The following ARHGEF10 variants were observed in gnomAD, a reference collection of about 807,000 sequenced individuals.
The protein encoded by ARHGEF10 is Rho guanine nucleotide exchange factor (GEF) 10.
In ARHGEF10, 140 loss-of-function variants were observed where a neutral mutation model predicts 147.4. The observed-to-expected ratio is 0.95, with a 90% confidence interval of 0.83 to 1.09. The LOEUF is 1.09. Ranked by LOEUF, ARHGEF10 falls within the 50% of genes least tolerant of loss-of-function variation. The pLI is 0.00. For synonymous variants in ARHGEF10, 902 were observed against 695.8 expected, an observed-to-expected ratio of 1.30 and a Z score of -4.67; for missense variants, 2,222 against 1,752.7, an observed-to-expected ratio of 1.27 and a Z score of -4.78.
chr8:1,938,960 G>T (rs1470058257), intron 26 of ARHGEF10, among the ~76,000 whole-genome samples: 1 of 121,506 alleles, frequency 8.2e-6, no homozygotes, highest in Non-Finnish European at 1.6e-5. Flanking sequence ...AGAAACCCCC[G>T]AACACTGGAA....
intron 1 of ARHGEF10, among the ~76,000 whole-genome samples, chr8:1,839,174 G>A (rs1803778910): frequency 7.1e-6 from 1 of 141,802 alleles, no homozygotes; most frequent in South Asian, 2.3e-4. Flanking sequence ...GGGACAGTCT[G>A]GTGTGGGGAC....
intron 14 of ARHGEF10, among the ~76,000 whole-genome samples, chr8:1,898,040 A>T (rs1181600541): frequency 6.6e-6 from 1 of 152,084 alleles, no homozygotes; most frequent in East Asian, 1.9e-4. Context: ...CACATCCCTG[A>T]TGTGCTCAGG....
At position 1,896,591 on chromosome 8, in the gene ARHGEF10, A is replaced by C. The variant is rs1245082961; in HGVS notation, c.1557+142A>C. 19 of 725,882 alleles carry C rather than the reference A, an allele frequency of 2.6e-5. No homozygotes were observed. In the East Asian group the frequency reaches 4.7e-4, roughly 18 times the overall value. The allele number at this position is 725,882 out of a possible 1,614,324, so 45.0% of individuals were successfully genotyped here. A position where few individuals can be genotyped will look rare whatever the true frequency, so the allele number is the denominator to read the frequency against. ...AGATATTGGATTAATGCTAGAAATG[A>C]AGATGAATTTTAGGTCCTAATGTAG... On this transcript the variant is annotated intron_variant, in intron 14 of 28. Coordinates refer to ENST00000349830, the MANE Select transcript of ARHGEF10 (RefSeq NM_014629.4).
In ARHGEF10 at chr8:1,881,748, G is replaced by T. The variant is rs750691549; in HGVS notation, c.961-887G>T. Among the ~76,000 whole-genome samples the T allele has an allele frequency of 7.9e-5, 12 of 152,348 alleles. No individual in the cohort carries two copies. The South Asian group carries it at 1.0e-3, about 13-fold the overall frequency. ...CTACAGCGACGCTGTCTGCACGCTG[G>T]TGCCCAGCAGCCCTGCTCCTCACGC... is the stretch of plus-strand genomic sequence containing the variant. On this transcript the variant is annotated intron_variant, in intron 9 of 28. Transcript: ENST00000349830.
At position 1,835,580 on chromosome 8, in the gene ARHGEF10, A is replaced by T. The variant is rs79309910; in HGVS notation, c.-47-7773A>T. 3.3e-5 allele frequency among the ~76,000 whole-genome samples: 5 copies of T among 152,304 alleles called. No individual in the cohort carries two copies. The East Asian group carries it at 9.7e-4, about 29-fold the overall frequency. ...GCCGTCCCGAAGCACTGACTGTGGA[A>T]TGGTGCCTGTGGAACGTCCCTGGGT... On this transcript the variant is annotated intron_variant, in intron 1 of 28. Coordinates refer to ENST00000349830, the MANE Select transcript of ARHGEF10 (RefSeq NM_014629.4).
intron 18 of ARHGEF10, among the ~76,000 whole-genome samples, chr8:1,914,519 G>A (rs1811610089): frequency 6.6e-6 from 1 of 152,248 alleles, no homozygotes; most frequent in Non-Finnish European, 1.5e-5. Flanking sequence ...GGGCGGCAAG[G>A]GTCACTGTTC....
intron 1 of ARHGEF10, among the ~76,000 whole-genome samples, chr8:1,838,503 C>T (rs1403409226): frequency 6.6e-6 from 1 of 152,258 alleles, no homozygotes; most frequent in Non-Finnish European, 1.5e-5. Flanking sequence ...AGCGTCTGGT[C>T]CTGCTGCTGT....
rs1438457180 is a variant in ARHGEF10, at chr8:1,858,155, G to A, written c.193+40G>A. The A allele has an allele frequency of 2.2e-5, 33 of 1,506,280 alleles. 1 individual carries two copies. The highest frequency in any genetic ancestry group is 1.3e-4 in the Admixed American group (6 of 47,204). 93.3% of individuals were successfully genotyped at this position (1,506,280 alleles called of 1,614,324 possible). A position where few individuals can be genotyped will look rare whatever the true frequency, so the allele number is the denominator to read the frequency against. On this transcript the variant is annotated intron_variant, in intron 3 of 28. Transcript: ENST00000349830. ...GGGTCCCCAGGTGAGTCCCCAGGTG[G>A]GTCCCCAGGTGAGTCCCCAGGTGGG...
At chr8:1,862,766 T>TTTCTTC (rs1295700178) in intron 4 of ARHGEF10, among the ~76,000 whole-genome samples, 12 of 130,992 alleles carry the variant, frequency 9.2e-5, no homozygotes, top group South Asian at 2.4e-4. Context: ...TTTTCCTTTT[T>TTTCTTC]TTCTTCTTCT....
chr8:1,841,228 G>T (rs192976580), intron 1 of ARHGEF10, among the ~76,000 whole-genome samples: 1 of 151,248 alleles, frequency 6.6e-6, no homozygotes, highest in East Asian at 2.0e-4. Context: ...TTGGAGTTGC[G>T]CTGGCGAGGT....
chr8:1,887,957 G>C (rs1389512008), intron 11 of ARHGEF10, among the ~76,000 whole-genome samples: 1 of 151,076 alleles, frequency 6.6e-6, no homozygotes, highest in Non-Finnish European at 1.5e-5. Flanking sequence ...AGGGGTCTGT[G>C]ATGAGACACT....
chr8:1,954,444 G>A (rs146672893), intron 28 of ARHGEF10, among the ~76,000 whole-genome samples: 16 of 151,208 alleles, frequency 1.1e-4, no homozygotes, highest in South Asian at 2.1e-4. Flanking sequence ...ATGCTCAACC[G>A]GCAAGTGCAA....
At position 1,929,439 on chromosome 8, in the gene ARHGEF10, C is replaced by A; in HGVS notation, c.3075C>A (p.Ala1025=). The change falls in exon 25 of 29, where the codon GCC becomes GCA. Residue 1025 remains alanine, a synonymous_variant. Coordinates refer to ENST00000349830, the MANE Select transcript of ARHGEF10 (RefSeq NM_014629.4). ...VNGAVASYAR[A]PDGSWDSEPQ... ...GGGCAGTCGCCAGCTACGCCAGAGC[C>A]CCAGGTGAGGCGGGTCTCACGGCCT... The A allele has an allele frequency of 1.2e-6, 2 of 1,606,408 alleles. No individual in the cohort carries two copies. Among genetic ancestry groups the A allele is most frequent in the East Asian group, 4.5e-5 (2 of 44,766 alleles).
chr8:1,841,502 T>G (rs1804029134), intron 1 of ARHGEF10, among the ~76,000 whole-genome samples: 1 of 152,138 alleles, frequency 6.6e-6, no homozygotes. Flanking sequence ...CAGAGTGTGT[T>G]ACGGTGTCCA....
chr8:1,842,071 C>T (rs548045612), intron 1 of ARHGEF10, among the ~76,000 whole-genome samples: 6 of 138,064 alleles, frequency 4.3e-5, no homozygotes, highest in African/African-American at 7.9e-5. Flanking sequence ...GGGGCCGCGG[C>T]GGGAACTGGG....
chr8:1,862,263 G>C (rs34394357), intron 4 of ARHGEF10, among the ~76,000 whole-genome samples: 283 of 152,346 alleles, frequency 1.9e-3, no homozygotes, highest in Non-Finnish European at 2.8e-3. Context: ...GGGCTTCCCC[G>C]GGACGTACAG....
intron 4 of ARHGEF10, among the ~76,000 whole-genome samples, chr8:1,863,578 A>C (rs1170302877): frequency 6.6e-6 from 1 of 152,090 alleles, no homozygotes; most frequent in African/African-American, 2.4e-5. Context: ...GCGGTGGCAG[A>C]TTCGTCAAGG....
chr8:1,923,976 T>TC lies in ARHGEF10; in HGVS notation c.2488+104dup, dbSNP rs1182268464. ...GTTGAGAAGGAAACTCAGCAGTAGA[T>TC]CCATGCATTGACCTGAAAGAGTGTT... On this transcript the variant is annotated intron_variant, in intron 21 of 28. Transcript: ENST00000349830. 45 of 1,080,942 alleles carry TC rather than the reference T, an allele frequency of 4.2e-5. 1 individual carries two copies. The highest frequency in any genetic ancestry group is 5.8e-5 in the Non-Finnish European group (41 of 712,972). The allele number at this position is 1,080,942 out of a possible 1,614,324, so 67.0% of individuals were successfully genotyped here.
chr8:1,877,144 T>C (rs1265746920), intron 8 of ARHGEF10, among the ~76,000 whole-genome samples: 1 of 152,252 alleles, frequency 6.6e-6, no homozygotes, highest in Non-Finnish European at 1.5e-5. Context: ...AACTTTAGCA[T>C]GTTCAGCATG....
Sources: allele counts gnomAD v4.1 joint callset (sites outside exome capture counted in the v4.1 genomes callset), GRCh38; gene constraint gnomAD v4.1.1; transcripts MANE v1.5; gene names NCBI Gene and HGNC (gene_info 2026-07-23, HGNC 2026-07-21).